The following SNX10 variants were observed in gnomAD, a reference collection of about 807,000 sequenced individuals.
SNX10 encodes the protein sorting nexin-10.
A neutral mutation model predicts 28.5 loss-of-function variants in SNX10; 25 were observed. That is an observed-to-expected ratio of 0.88 (90% confidence interval 0.64 to 1.22). SNX10 has a LOEUF of 1.22. Among genes scored for constraint, SNX10 ranks in the 50% most tolerant of loss-of-function variants. The pLI, the probability that SNX10 is intolerant of heterozygous loss-of-function variation, is 0.00. For missense variants in SNX10, 223 were observed against 242.6 expected, an observed-to-expected ratio of 0.92 and a Z score of 0.54; for synonymous variants, 62 against 81.4, an observed-to-expected ratio of 0.76 and a Z score of 1.28.
chr7:26,315,647 C>T (rs554623800), intron 1 of SNX10, among the ~76,000 whole-genome samples: 5 of 149,686 alleles, frequency 3.3e-5, no homozygotes, highest in Middle Eastern at 3.5e-3. Flanking sequence ...CTAGCCTGGG[C>T]GACAGAGTGA....
chr7:26,342,804 T>G (rs1307660652), intron 1 of SNX10, among the ~76,000 whole-genome samples: 1 of 150,076 alleles, frequency 6.7e-6, no homozygotes, highest in Non-Finnish European at 1.5e-5. Flanking sequence ...CTATTTTCTT[T>G]TTTATTTTCT....
chr7:26,372,194 C>T lies in SNX10; in HGVS notation c.524+161C>T, dbSNP rs1789580810. The T allele has an allele frequency of 3.8e-5, 23 of 612,232 alleles. No individual in the cohort carries two copies. The South Asian group carries it at 4.7e-4, about 13-fold the overall frequency. 37.9% of individuals were successfully genotyped at this position (612,232 alleles called of 1,614,324 possible). Reference sequence around the variant, plus strand: ...CTGAGATTTTATTGAGCTGTGACAGCTCATCATAGTAGTCTTCACACACAC... The same window carrying T: ...CTGAGATTTTATTGAGCTGTGACAGTTCATCATAGTAGTCTTCACACACAC... On this transcript the variant is annotated intron_variant, in intron 6 of 6. Transcript: ENST00000338523.
At chr7:26,371,671 T>C (rs773887655) in intron 5 of SNX10, 150 bp from the exon 6 acceptor site, 1 of 576,686 alleles carries the variant, frequency 1.7e-6, no homozygotes, top group Non-Finnish European at 3.0e-6. Context: ...TATGCTTTCC[T>C]CCCCTTAATG....
At chr7:26,355,783 G>A (rs779665154) in intron 2 of SNX10, among the ~76,000 whole-genome samples, 16 of 152,114 alleles carry the variant, frequency 1.1e-4, no homozygotes, top group Non-Finnish European at 1.8e-4. Context: ...AAAGAATCAC[G>A]AGATAGAACA....
At chr7:26,344,982 G>A (rs1052151997) in intron 1 of SNX10, among the ~76,000 whole-genome samples, 1 of 152,068 alleles carries the variant, frequency 6.6e-6, no homozygotes, top group Admixed American at 6.5e-5. Flanking sequence ...CCAGCCCCAG[G>A]GGCTCCATGG....
intron 1 of SNX10, among the ~76,000 whole-genome samples, chr7:26,322,997 C>T (rs186007093): frequency 2.2e-4 from 33 of 152,254 alleles, no homozygotes; most frequent in African/African-American, 7.9e-4. Context: ...ACTGTAATCT[C>T]AGCACTTTGG....
At chr7:26,309,725 C>T (rs1786746381) in intron 1 of SNX10, among the ~76,000 whole-genome samples, 1 of 152,058 alleles carries the variant, frequency 6.6e-6, no homozygotes, top group Admixed American at 6.6e-5. Flanking sequence ...GCATTTATTT[C>T]TAAGGGGGAT....
At chr7:26,371,748 A>G in intron 5 of SNX10, 73 bp from the exon 6 acceptor site, 1 of 1,048,668 alleles carries the variant, frequency 9.5e-7, no homozygotes, top group East Asian at 2.4e-5. Context: ...TACTTTTCTA[A>G]TGTTTTTCTT....
chr7:26,323,503 G>A (rs961819043), intron 1 of SNX10, among the ~76,000 whole-genome samples: 1 of 152,120 alleles, frequency 6.6e-6, no homozygotes, highest in Non-Finnish European at 1.5e-5. Flanking sequence ...GAGAGAAGAC[G>A]AGGCAGCGGA....
At chr7:26,359,270 G>T (rs1354252143) in intron 2 of SNX10, among the ~76,000 whole-genome samples, 1 of 152,126 alleles carries the variant, frequency 6.6e-6, no homozygotes, top group Non-Finnish European at 1.5e-5. Context: ...AAACTTGATA[G>T]GGGCAAAAGT....
At chr7:26,326,982 G>A (rs781711855) in intron 1 of SNX10, among the ~76,000 whole-genome samples, 1 of 140,702 alleles carries the variant, frequency 7.1e-6, no homozygotes, top group Non-Finnish European at 1.5e-5. Flanking sequence ...ACGGAGTCTC[G>A]CTCTGTCACC....
chr7:26,314,282 G>A (rs975131370), intron 1 of SNX10, among the ~76,000 whole-genome samples: 1 of 151,008 alleles, frequency 6.6e-6, no homozygotes, highest in Admixed American at 6.6e-5. Flanking sequence ...TTTTGAGATG[G>A]AGTCTCACTC....
chr7:26,344,592 C>G (rs1415576756), intron 1 of SNX10, among the ~76,000 whole-genome samples: 1 of 152,158 alleles, frequency 6.6e-6, no homozygotes, highest in African/African-American at 2.4e-5. Flanking sequence ...GTGTGTTTTT[C>G]CATTCCTATC....
At chr7:26,299,029 C>T (rs970869285) in intron 1 of SNX10, among the ~76,000 whole-genome samples, 3 of 152,092 alleles carry the variant, frequency 2.0e-5, no homozygotes, top group Non-Finnish European at 4.4e-5. Flanking sequence ...CACAATTCAA[C>T]CTATACTGTA....
chr7:26,366,540 C>A (rs1360206197), intron 5 of SNX10, among the ~76,000 whole-genome samples: 1 of 152,172 alleles, frequency 6.6e-6, no homozygotes, highest in African/African-American at 2.4e-5. Context: ...GTTTTTCCTG[C>A]CCTTTCCCCT....
chr7:26,369,249 A>G (rs1207237371), intron 5 of SNX10, among the ~76,000 whole-genome samples: 1 of 152,176 alleles, frequency 6.6e-6, no homozygotes, highest in Non-Finnish European at 1.5e-5. Flanking sequence ...TACTCTTTAT[A>G]TTAGGTTTGA....
At chr7:26,313,319 G>A (rs1045266130) in intron 1 of SNX10, among the ~76,000 whole-genome samples, 1 of 152,208 alleles carries the variant, frequency 6.6e-6, no homozygotes, top group African/African-American at 2.4e-5. Context: ...GCGCAATGTT[G>A]TACAGCAGAT....
intron 1 of SNX10, among the ~76,000 whole-genome samples, chr7:26,325,328 T>TATATATATA (rs56716262): frequency 1.7e-4 from 21 of 123,096 alleles, no homozygotes; most frequent in Non-Finnish European, 2.1e-4. Flanking sequence ...TATATATATA[T>TATATATATA]TTGAGATGGA....
chr7:26,299,721 G>T (rs915298883), intron 1 of SNX10, among the ~76,000 whole-genome samples: 2 of 151,976 alleles, frequency 1.3e-5, no homozygotes, highest in Non-Finnish European at 2.9e-5. Context: ...ACCGCATCTG[G>T]CCTATATTTC....
Sources: allele counts gnomAD v4.1 joint callset (sites outside exome capture counted in the v4.1 genomes callset), GRCh38; gene constraint gnomAD v4.1.1; transcripts MANE v1.5; gene names NCBI Gene and HGNC (gene_info 2026-07-23, HGNC 2026-07-21).